MYO1D: variants seen among roughly 807,000 people sequenced by gnomAD.
MYO1D encodes myosin ID, also known as unconventional myosin-Id.
MYO1D carries 83 observed loss-of-function variants against 122.0 expected under a neutral mutation model. The ratio of observed to expected loss-of-function variants is 0.68; its 90% confidence interval spans 0.57 to 0.82. MYO1D has a LOEUF of 0.82. Among genes scored for constraint, MYO1D ranks in the 40% least tolerant of loss-of-function variants. MYO1D has a pLI of 0.00. For synonymous variants in MYO1D, 464 were observed against 446.9 expected (o/e 1.04, Z -0.48); for missense variants, 1,157 against 1,269.5 (o/e 0.91, Z 1.35).
At chr17:32,588,970 C>CAA in intron 21 of MYO1D, among the ~76,000 whole-genome samples, 1 of 150,228 alleles carries the variant, frequency 6.7e-6, no homozygotes, top group East Asian at 1.9e-4. Flanking sequence ...ACAAATAAAA[C>CAA]AAAAAAAAAA....
chr17:32,836,553 A>C (rs1270879315), intron 1 of MYO1D, among the ~76,000 whole-genome samples: 1 of 152,130 alleles, frequency 6.6e-6, no homozygotes, highest in South Asian at 2.1e-4. Context: ...TCTTCCATCA[A>C]ATCAGTGGAA....
intron 16 of MYO1D, among the ~76,000 whole-genome samples, chr17:32,702,882 G>C (rs1464186996): frequency 6.6e-6 from 1 of 152,122 alleles, no homozygotes; most frequent in African/African-American, 2.4e-5. Context: ...AATAAAAACT[G>C]GAAAACTCAT....
intron 21 of MYO1D, among the ~76,000 whole-genome samples, chr17:32,580,458 G>C (rs1193580964): frequency 7.3e-6 from 1 of 137,322 alleles, no homozygotes; most frequent in Admixed American, 7.7e-5. Flanking sequence ...CACCCAGGCT[G>C]GAGTGCAGTG....
intron 1 of MYO1D, among the ~76,000 whole-genome samples, chr17:32,861,548 G>A (rs1025873592): frequency 6.6e-6 from 1 of 152,016 alleles, no homozygotes; most frequent in African/African-American, 2.4e-5. Context: ...CCCTTCAATT[G>A]CTCCCCAACA....
intron 1 of MYO1D, among the ~76,000 whole-genome samples, chr17:32,852,946 C>T (rs2091001581): frequency 6.6e-6 from 1 of 152,146 alleles, no homozygotes. Flanking sequence ...ACACCTATGT[C>T]CTGACTACAC....
intron 21 of MYO1D, among the ~76,000 whole-genome samples, chr17:32,539,108 A>T (rs796546677): frequency 3.3e-5 from 5 of 152,290 alleles, no homozygotes; most frequent in African/African-American, 9.6e-5. Context: ...CCTGGAACTT[A>T]AAATAAATAA....
chr17:32,809,514 C>T (rs1355094420), intron 1 of MYO1D, among the ~76,000 whole-genome samples: 1 of 151,314 alleles, frequency 6.6e-6, no homozygotes, highest in Non-Finnish European at 1.5e-5. Context: ...TCTTGGCTCA[C>T]TGCAGCCTCC....
chr17:32,822,656 G>A (rs979593806), intron 1 of MYO1D, among the ~76,000 whole-genome samples: 9 of 149,484 alleles, frequency 6.0e-5, no homozygotes, highest in Admixed American at 6.0e-4. Flanking sequence ...CGCGGGCCCC[G>A]GTGGGGCGGC....
intron 16 of MYO1D, among the ~76,000 whole-genome samples, chr17:32,665,857 T>C (rs1232683647): frequency 6.6e-6 from 1 of 152,116 alleles, no homozygotes; most frequent in East Asian, 1.9e-4. Context: ...CCCCAGAATG[T>C]CAGGATCATG....
At chr17:32,574,147 C>T (rs776284040) in intron 21 of MYO1D, among the ~76,000 whole-genome samples, 1 of 152,086 alleles carries the variant, frequency 6.6e-6, no homozygotes, top group Non-Finnish European at 1.5e-5. Context: ...CCACTGCGCC[C>T]GGCCCCCTTG....
At chr17:32,726,111 C>G (rs2089569350) in intron 14 of MYO1D, among the ~76,000 whole-genome samples, 1 of 152,104 alleles carries the variant, frequency 6.6e-6, no homozygotes, top group African/African-American at 2.4e-5. Context: ...AGAAAATGAT[C>G]CCAGATGGAA....
At chr17:32,515,352 C>G (rs1909852613) in intron 21 of MYO1D, among the ~76,000 whole-genome samples, 1 of 152,192 alleles carries the variant, frequency 6.6e-6, no homozygotes, top group African/African-American at 2.4e-5. Flanking sequence ...CTCGCCCAGT[C>G]CCCCAGCCAT....
chr17:32,775,823 A>G (rs1567636545), intron 4 of MYO1D, 41 bp downstream of exon 4: 1 of 1,482,048 alleles, frequency 6.7e-7, no homozygotes, highest in Non-Finnish European at 9.2e-7. Context: ...TTAAACATTC[A>G]GCACTTAAAA....
At chr17:32,741,888 G>A (rs559002501) in intron 13 of MYO1D, among the ~76,000 whole-genome samples, 94 of 151,846 alleles carry the variant, frequency 6.2e-4, no homozygotes, top group Non-Finnish European at 7.1e-4. Context: ...GGTGGTGGGC[G>A]CCTGTAGTCC....
chr17:32,754,391 A>G (rs189855519), intron 11 of MYO1D, among the ~76,000 whole-genome samples: 2 of 152,346 alleles, frequency 1.3e-5, no homozygotes, highest in Admixed American at 1.3e-4. Context: ...AAACCCTAAC[A>G]TGAAAGAGCA....
At position 32,494,753 on chromosome 17, in the gene MYO1D, G is replaced by A. The variant is rs768833929; in HGVS notation, c.*6C>T. The stretch of plus-strand genomic sequence containing the variant: ...GCCGGGCTCCGGGCCAGGCCTCCGC[G>A]GGGCGTCAGTTCCCGGGCACGCTGA... On this transcript the variant is annotated 3_prime_UTR_variant, in exon 22 of 22. Transcript: ENST00000318217. 2 of 1,592,988 alleles carry A rather than the reference G, an allele frequency of 1.3e-6. No individual in the cohort carries two copies. Among genetic ancestry groups the A allele is most frequent in the Non-Finnish European group, 1.7e-6 (2 of 1,170,558 alleles).
intron 21 of MYO1D, among the ~76,000 whole-genome samples, chr17:32,555,617 C>T (rs116550197): frequency 1.6e-3 from 238 of 152,320 alleles, no homozygotes; most frequent in African/African-American, 5.5e-3. Context: ...AGGCTTGTCG[C>T]AATCTGCCTC....
At chr17:32,725,270 G>A (rs2089558419) in intron 14 of MYO1D, among the ~76,000 whole-genome samples, 1 of 152,174 alleles carries the variant, frequency 6.6e-6, no homozygotes, top group Non-Finnish European at 1.5e-5. Flanking sequence ...TGTAATCCCA[G>A]CCCTTTAGGA....
rs532901146 is a variant in MYO1D at position 32,779,242 on chromosome 17, T to C, written c.305-669A>G. Among the ~76,000 whole-genome samples the C allele has an allele frequency of 3.3e-5, 5 of 152,196 alleles. No individual in the cohort carries two copies. In the East Asian group the frequency reaches 7.7e-4, roughly 23 times the overall value. On this transcript the variant is annotated intron_variant, in intron 2 of 21. Transcript: ENST00000318217. ...AAAAAATACTAACATAACCAAATAATAATAATGTTCAAAGCTTTTAAAACA... is the reference window on the plus strand; with the variant it reads ...AAAAAATACTAACATAACCAAATAACAATAATGTTCAAAGCTTTTAAAACA...
Sources: gnomAD v4.1 joint callset for allele counts (sites outside exome capture counted in the v4.1 genomes callset) on GRCh38, gnomAD v4.1.1 for gene constraint, MANE v1.5 for transcripts, NCBI Gene and HGNC (gene_info 2026-07-23, HGNC 2026-07-21) for gene names.